CACNA2D1: variants seen among roughly 807,000 people sequenced by gnomAD.
The protein encoded by CACNA2D1 is calcium voltage-gated channel auxiliary subunit alpha2delta 1, also known as voltage-dependent calcium channel subunit alpha-2/delta-1.
A neutral mutation model predicts 171.5 loss-of-function variants in CACNA2D1; 53 were observed. That is an observed-to-expected ratio of 0.31 (90% confidence interval 0.25 to 0.39). The LOEUF (loss-of-function observed/expected upper bound fraction) is 0.39, where lower values mean the gene tolerates loss of function less well. Among genes scored for constraint, CACNA2D1 ranks in the 10% least tolerant of loss-of-function variants. The pLI is 1.00. For synonymous variants in CACNA2D1, 442 were observed against 443.1 expected, an observed-to-expected ratio of 1.00 and a Z score of 0.03; for missense variants, 903 against 1,299.8, an observed-to-expected ratio of 0.69 and a Z score of 4.69.
At chr7:82,131,804 C>A (rs890331925) in intron 5 of CACNA2D1, among the ~76,000 whole-genome samples, 6 of 152,000 alleles carry the variant, frequency 3.9e-5, no homozygotes, top group African/African-American at 1.2e-4. Context: ...GTGATAGTAG[C>A]CAAATTCAAA....
At position 82,135,484 on chromosome 7, in the gene CACNA2D1, T is replaced by C. The variant is rs544253303; in HGVS notation, c.396+1151A>G. On this transcript the variant is annotated intron_variant, in intron 5 of 38. Coordinates refer to ENST00000356860, the MANE Select transcript of CACNA2D1 (RefSeq NM_000722.4). ...CCACCTATGTCTAGAGGAAAAAAAATACTTTTTAAAACACTCTTAGCTCTT... is the reference window on the plus strand; with the variant it reads ...CCACCTATGTCTAGAGGAAAAAAAACACTTTTTAAAACACTCTTAGCTCTT... Among the ~76,000 whole-genome samples the C allele has an allele frequency of 3.9e-5, 6 of 152,102 alleles. No homozygotes were observed. In the South Asian group the frequency reaches 6.2e-4, roughly 16 times the overall value.
intron 7 of CACNA2D1, among the ~76,000 whole-genome samples, chr7:82,076,941 T>G (rs1464899186): frequency 6.6e-6 from 1 of 152,190 alleles, no homozygotes; most frequent in Non-Finnish European, 1.5e-5. Context: ...TGACTTGGTT[T>G]TCAATCCAAA....
In CACNA2D1 at chr7:81,968,986, T is replaced by A. The variant is rs760032298; in HGVS notation, c.2309-13A>T. Reference sequence around the variant, plus strand: ...CCAGGTCCACTTTCTAAAAAAAAAATAAATAAATAAAACACCTATCAAGAT... The same window carrying A: ...CCAGGTCCACTTTCTAAAAAAAAAAAAAATAAATAAAACACCTATCAAGAT... On this transcript the variant is annotated splice_polypyrimidine_tract_variant and intron_variant, in intron 28 of 38. Transcript: ENST00000356860. The A allele has an allele frequency of 2.4e-5, 32 of 1,353,562 alleles. No homozygotes were observed. Among genetic ancestry groups the A allele is most frequent in the East Asian group, 6.9e-5 (3 of 43,258 alleles). The allele number at this position is 1,353,562 out of a possible 1,614,324, so 83.8% of individuals were successfully genotyped here.
chr7:82,081,826 T>C (rs542962102), intron 7 of CACNA2D1, among the ~76,000 whole-genome samples: 194 of 150,286 alleles, frequency 1.3e-3, no homozygotes, highest in African/African-American at 4.8e-3. Context: ...CCACAGCCAC[T>C]GTGACTGTGC....
chr7:82,412,084 C>T (rs954793205), intron 1 of CACNA2D1, among the ~76,000 whole-genome samples: 11 of 152,096 alleles, frequency 7.2e-5, no homozygotes, highest in Admixed American at 3.9e-4. Flanking sequence ...TTGATCAAGA[C>T]ACCAGGCCTG....
At chr7:82,228,371 T>C (rs1392866656) in intron 3 of CACNA2D1, among the ~76,000 whole-genome samples, 2 of 152,122 alleles carry the variant, frequency 1.3e-5, no homozygotes, top group African/African-American at 2.4e-5. Flanking sequence ...TCCTGTCAGG[T>C]CATACCCAAT....
chr7:82,289,564 AG>A (rs1811264460), intron 3 of CACNA2D1, among the ~76,000 whole-genome samples: 1 of 152,220 alleles, frequency 6.6e-6, no homozygotes, highest in African/African-American at 2.4e-5. Context: ...GGTATGATAA[AG>A]GTCTTTCATT....
chr7:82,090,377 A>C (rs1811010373), intron 6 of CACNA2D1, among the ~76,000 whole-genome samples: 1 of 152,150 alleles, frequency 6.6e-6, no homozygotes, highest in Non-Finnish European at 1.5e-5. Flanking sequence ...TATTAAAGAT[A>C]TGTAAGGGAC....
intron 3 of CACNA2D1, among the ~76,000 whole-genome samples, chr7:82,271,301 A>C (rs1417732553): frequency 1.3e-5 from 2 of 152,128 alleles, no homozygotes; most frequent in Non-Finnish European, 2.9e-5. Flanking sequence ...ACAGTCATTC[A>C]ATCTGAAGAC....
intron 3 of CACNA2D1, among the ~76,000 whole-genome samples, chr7:82,200,403 C>T (rs1444234306): frequency 6.6e-6 from 1 of 151,816 alleles, no homozygotes; most frequent in Non-Finnish European, 1.5e-5. Flanking sequence ...TTAAAGCATT[C>T]TCTATTGTCT....
chr7:82,403,990 T>C (rs1826744784), intron 1 of CACNA2D1, among the ~76,000 whole-genome samples: 1 of 152,168 alleles, frequency 6.6e-6, no homozygotes, highest in Non-Finnish European at 1.5e-5. Context: ...GAAACTATAT[T>C]TAAAATGTAA....
At chr7:82,153,480 C>T (rs1794058026) in intron 4 of CACNA2D1, among the ~76,000 whole-genome samples, 1 of 152,016 alleles carries the variant, frequency 6.6e-6, no homozygotes, top group Admixed American at 6.6e-5. Flanking sequence ...CCCAATTGCA[C>T]AATCTAAAGT....
At chr7:82,039,222 C>T (rs941065743) in intron 10 of CACNA2D1, among the ~76,000 whole-genome samples, 4 of 151,814 alleles carry the variant, frequency 2.6e-5, no homozygotes, top group African/African-American at 9.7e-5. Flanking sequence ...ATGAGTGGGT[C>T]ATAAGTTATT....
intron 12 of CACNA2D1, among the ~76,000 whole-genome samples, chr7:82,030,126 G>A (rs1802496814): frequency 6.6e-6 from 1 of 151,620 alleles, no homozygotes; most frequent in Non-Finnish European, 1.5e-5. Context: ...TTAAAAAGTT[G>A]AGCTCCTGTA....
chr7:82,111,445 T>TATATATATA lies in CACNA2D1; in HGVS notation c.526+5598_526+5599insTATATATAT, dbSNP rs370516065. On this transcript the variant is annotated intron_variant, in intron 6 of 38. Transcript: ENST00000356860. The stretch of plus-strand genomic sequence containing the variant: ...ATATGTGTGTATATATATATATATA[T>TATATATATA]TTTTTTTTTTTTTTTTTTTTGAGAC... 2.5e-3 allele frequency among the ~76,000 whole-genome samples: 124 copies of TATATATATA among 49,084 alleles called. 3 individuals are homozygous for TATATATATA. The highest frequency in any genetic ancestry group is 8.6e-3 in the African/African-American group (115 of 13,440). 32.2% of individuals were successfully genotyped at this position (49,084 alleles called of 152,430 possible).
intron 3 of CACNA2D1, among the ~76,000 whole-genome samples, chr7:82,281,006 T>C (rs554814147): frequency 7.2e-5 from 11 of 152,292 alleles, no homozygotes; most frequent in African/African-American, 2.2e-4. Flanking sequence ...CCAACTCAAA[T>C]TGGTCTGATC....
At chr7:82,229,085 C>A (rs904783644) in intron 3 of CACNA2D1, among the ~76,000 whole-genome samples, 13 of 152,104 alleles carry the variant, frequency 8.5e-5, no homozygotes, top group Admixed American at 8.5e-4. Flanking sequence ...AGGGAATATT[C>A]AATTTTTAAA....
intron 6 of CACNA2D1, among the ~76,000 whole-genome samples, chr7:82,093,938 T>C (rs2129023226): frequency 6.6e-6 from 1 of 152,200 alleles, no homozygotes; most frequent in East Asian, 1.9e-4. Context: ...GCATAAGAAA[T>C]TTAGTGTCTC....
intron 8 of CACNA2D1, among the ~76,000 whole-genome samples, chr7:82,065,990 T>G (rs545222313): frequency 6.6e-6 from 1 of 152,178 alleles, no homozygotes; most frequent in Non-Finnish European, 1.5e-5. Context: ...GCTTCAGTAG[T>G]GAGGAACAAA....
Sources: allele counts gnomAD v4.1 joint callset (sites outside exome capture counted in the v4.1 genomes callset), GRCh38; gene constraint gnomAD v4.1.1; transcripts MANE v1.5; gene names NCBI Gene and HGNC (gene_info 2026-07-23, HGNC 2026-07-21).